Variants in SLC18B1 observed in about 807,000 individuals in gnomAD.
SLC18B1 encodes solute carrier family 18 member B1.
A neutral mutation model predicts 53.9 loss-of-function variants in SLC18B1; 62 were observed. The observed-to-expected ratio is 1.15, with a 90% CI of 0.94 to 1.42. The LOEUF is 1.42. Ranked by LOEUF, SLC18B1 falls within the 40% of genes most tolerant of loss-of-function variation. The probability of loss-of-function intolerance (pLI) is 0.00; values close to 1 mark genes in which losing one functional copy is unlikely to be tolerated. For synonymous variants in SLC18B1, 217 were observed against 200.9 expected (o/e 1.08, Z -0.68); for missense variants, 598 against 547.3 (o/e 1.09, Z -0.93).
Position 132,798,407 on chromosome 6 carries a change from T to C in SLC18B1, c.43+7A>G. On this transcript the variant is annotated splice_region_variant and intron_variant, in intron 1 of 13. Transcript: ENST00000275227. ...TCCGGGCTCCCGGCCACGCAATTCATGGTCACCTCCTGGTGCGCGTGGTCC... is the reference window on the plus strand; with the variant it reads ...TCCGGGCTCCCGGCCACGCAATTCACGGTCACCTCCTGGTGCGCGTGGTCC... The C allele has an allele frequency of 1.4e-5, 21 of 1,526,186 alleles. No homozygotes were observed. Among genetic ancestry groups the C allele is most frequent in the African/African-American group, 2.8e-5 (2 of 71,562 alleles). The allele number at this position is 1,526,186 out of a possible 1,614,324, so 94.5% of individuals were successfully genotyped here.
chr6:132,797,467 C>T (rs1414872592), intron 1 of SLC18B1, among the ~76,000 whole-genome samples: 6 of 152,066 alleles, frequency 3.9e-5, no homozygotes, highest in African/African-American at 1.2e-4. Context: ...GGCGTGGTGG[C>T]GGGCCCCTGT....
chr6:132,796,819 A>T (rs1345200444), intron 2 of SLC18B1, among the ~76,000 whole-genome samples, 163 bp downstream of exon 2: 1 of 152,144 alleles, frequency 6.6e-6, no homozygotes, highest in Non-Finnish European at 1.5e-5. Flanking sequence ...TCCTGGTATC[A>T]GGCATTCTAT....
intron 7 of SLC18B1, 74 bp from the exon 8 acceptor site, chr6:132,776,503 C>G (rs1781104112): frequency 9.3e-7 from 1 of 1,072,854 alleles, no homozygotes; most frequent in African/African-American, 1.8e-5. Flanking sequence ...TTCCCTCTAC[C>G]ATTTCTTTAG....
intron 13 of SLC18B1, among the ~76,000 whole-genome samples, 175 bp from the exon 14 acceptor site, chr6:132,770,511 G>A (rs1215919597): frequency 1.3e-5 from 2 of 152,092 alleles, no homozygotes; most frequent in Admixed American, 6.5e-5. Context: ...AGAGGCAGGC[G>A]GATCACTTGA....
chr6:132,783,894 A>T, intron 6 of SLC18B1, 39 bp downstream of exon 6: 5 of 1,428,656 alleles, frequency 3.5e-6, no homozygotes, highest in Non-Finnish European at 4.6e-6. Context: ...ATAAAAATAT[A>T]TTTAAGGTTC....
rs1780951467 is a variant in SLC18B1 at position 132,770,890 on chromosome 6, C to G, written c.1304G>C (p.Arg435Thr). Residue 435 changes from arginine (R) to threonine (T), a missense_variant and splice_region_variant, in exon 13 of 14, where the codon AGG becomes ACG. Coordinates refer to ENST00000275227, the MANE Select transcript of SLC18B1 (RefSeq NM_052831.3). ...FYLLEYSRRK[R>T]SKSQNILSTE... is the part of the protein sequence containing the mutation. ...AAAAAAGCCCCAAAATTGACCATAC[C>G]TTTTTCTCCTTGAATACTCCAGTAG... The G allele has an allele frequency of 6.2e-7, 1 of 1,608,194 alleles. No individual in the cohort carries two copies. Among genetic ancestry groups the G allele is most frequent in the Non-Finnish European group, 8.5e-7 (1 of 1,178,432 alleles).
intron 7 of SLC18B1, 139 bp downstream of exon 7, chr6:132,779,129 C>A: frequency 1.2e-6 from 1 of 853,448 alleles, no homozygotes. Context: ...TAGAGAGGGA[C>A]ACGCTACCTC....
At chr6:132,773,218 T>C (rs1348014413) in intron 9 of SLC18B1, 130 bp from the exon 10 acceptor site, 4 of 439,764 alleles carry the variant, frequency 9.1e-6, no homozygotes, top group Non-Finnish European at 1.3e-5. Context: ...CTAGTCTCAT[T>C]CCCTTTCCCA....
At chr6:132,788,828 G>GAAAAAAAAAAAAA (rs1158922120) in intron 4 of SLC18B1, among the ~76,000 whole-genome samples, 1 of 70,270 alleles carries the variant, frequency 1.4e-5, no homozygotes. Flanking sequence ...ATCTCAAAAA[G>GAAAAAAAAAAAAA]AAAAAAAAAA....
intron 2 of SLC18B1, among the ~76,000 whole-genome samples, chr6:132,792,197 C>A (rs1781539502): frequency 6.9e-6 from 1 of 144,050 alleles, no homozygotes; most frequent in Non-Finnish European, 1.5e-5. Context: ...TACTGCACTC[C>A]AGCCTGGGTG....
rs766941506 is a variant in SLC18B1 at position 132,789,817 on chromosome 6, T to G, written c.300A>C (p.Lys100Asn). Reference sequence around the variant, plus strand: ...CAAACATTCCTGCTACAAACATAAATTTTGCTCCAATATGTACAAGCTATA... The same window carrying G: ...CAAACATTCCTGCTACAAACATAAAGTTTGCTCCAATATGTACAAGCTATA... ...FGNYLVHIGA[K>N]FMFVAGMFVS... Residue 100 changes from lysine to asparagine, a missense_variant, in exon 4 of 14, where the codon AAA (lysine) becomes AAC (asparagine). Coordinates refer to ENST00000275227, the MANE Select transcript of SLC18B1 (RefSeq NM_052831.3). 51 of 1,613,236 alleles carry G rather than the reference T, an allele frequency of 3.2e-5. No individual in the cohort carries two copies. Among genetic ancestry groups the G allele is most frequent in the Non-Finnish European group, 3.6e-5 (42 of 1,179,298 alleles).
chr6:132,786,360 A>G (rs1352697364), intron 5 of SLC18B1, among the ~76,000 whole-genome samples: 1 of 151,958 alleles, frequency 6.6e-6, no homozygotes, highest in African/African-American at 2.4e-5. Context: ...CCTGGCTAAC[A>G]TGGCGAAACC....
chr6:132,777,079 G>C (rs939390634), intron 7 of SLC18B1, among the ~76,000 whole-genome samples: 7 of 152,148 alleles, frequency 4.6e-5, no homozygotes, highest in African/African-American at 1.7e-4. Context: ...AAATCAGCCT[G>C]GTGTGGTGGC....
intron 6 of SLC18B1, among the ~76,000 whole-genome samples, chr6:132,780,576 T>G (rs868062242): frequency 2.7e-5 from 4 of 145,870 alleles, no homozygotes; most frequent in Admixed American, 2.7e-4. Flanking sequence ...TTTTTTTTTT[T>G]TTTTTTTTTT....
chr6:132,796,840 C>G, intron 2 of SLC18B1, 142 bp downstream of exon 2: 2 of 795,700 alleles, frequency 2.5e-6, no homozygotes, highest in Non-Finnish European at 3.5e-6. Flanking sequence ...AAGAAGTATT[C>G]TATTGGCTGG....
At chr6:132,789,928 A>G in intron 3 of SLC18B1, 91 bp from the exon 4 acceptor site, 5 of 862,244 alleles carry the variant, frequency 5.8e-6, no homozygotes, top group Non-Finnish European at 9.8e-6. Flanking sequence ...CAAATATAGG[A>G]TAGGGGAAGA....
chr6:132,792,280 A>AAAGAAAGAAAGAAAGAAAGAAAGAAGG (rs1554223267), intron 2 of SLC18B1, among the ~76,000 whole-genome samples: 5 of 42,698 alleles, frequency 1.2e-4, no homozygotes, highest in African/African-American at 6.4e-4. Context: ...AGAAAGAAAG[A>AAAGAAAGAAAGAAAGAAAGAAAGAAGG]AAGGAAGAAA....
In SLC18B1 at chr6:132,798,461, G is replaced by C. The variant is rs1357569255; in HGVS notation, c.-5C>G. On this transcript the variant is annotated 5_prime_UTR_variant, in exon 1 of 14. Transcript: ENST00000275227. Reference sequence around the variant, plus strand: ...CAGGTCACCCAGCGCCTCCATCCCCGGTGCGTGGACTCCGGCGCCCCAGCT... The same window carrying C: ...CAGGTCACCCAGCGCCTCCATCCCCCGTGCGTGGACTCCGGCGCCCCAGCT... 8 of 1,517,388 alleles carry C rather than the reference G, an allele frequency of 5.3e-6. No homozygotes were observed. Among genetic ancestry groups the C allele is most frequent in the South Asian group, 1.2e-5 (1 of 81,292 alleles). The allele number at this position is 1,517,388 out of a possible 1,614,324, so 94.0% of individuals were successfully genotyped here.
chr6:132,777,430 C>T (rs1369672443), intron 7 of SLC18B1, among the ~76,000 whole-genome samples: 2 of 151,992 alleles, frequency 1.3e-5, no homozygotes, highest in Admixed American at 6.6e-5. Flanking sequence ...TATACACAAA[C>T]GGGCCAGGTG....
Sources: gnomAD v4.1 joint callset for allele counts (sites outside exome capture counted in the v4.1 genomes callset) on GRCh38, gnomAD v4.1.1 for gene constraint, MANE v1.5 for transcripts, NCBI Gene and HGNC (gene_info 2026-07-23, HGNC 2026-07-21) for gene names.